The following RBFOX1 variants were observed in gnomAD, a reference collection of about 807,000 sequenced individuals.
RBFOX1 encodes RNA binding protein fox-1 homolog 1.
In RBFOX1, 8 loss-of-function variants were observed where a neutral mutation model predicts 57.7. That is an observed-to-expected ratio of 0.14 (90% CI 0.08 to 0.25). The LOEUF is 0.25. Among genes scored for constraint, RBFOX1 ranks in the 10% least tolerant of loss-of-function variants. The probability of loss-of-function intolerance (pLI) is 1.00; values close to 1 mark genes in which losing one functional copy is unlikely to be tolerated. For synonymous variants in RBFOX1, 326 were observed against 222.4 expected, an observed-to-expected ratio of 1.47 and a Z score of -4.15; for missense variants, 611 against 548.5, an observed-to-expected ratio of 1.11 and a Z score of -1.14.
intron 1 of RBFOX1, among the ~76,000 whole-genome samples, chr16:6,110,192 C>CTTT (rs1226858713): frequency 2.7e-5 from 2 of 74,652 alleles, no homozygotes; most frequent in African/African-American, 1.1e-4. Context: ...GTATTTTCTT[C>CTTT]TTCTTTTTTT....
intron 1 of RBFOX1, among the ~76,000 whole-genome samples, chr16:6,312,493 G>A (rs12149730): frequency 0.12 from 18,883 of 152,080 alleles, 1,433 homozygotes; most frequent in South Asian, 0.23. Context: ...GTGAGGTTTC[G>A]TCTGTTCTGA....
At chr16:6,850,643 C>T (rs1056019199) in intron 3 of RBFOX1, among the ~76,000 whole-genome samples, 4 of 152,116 alleles carry the variant, frequency 2.6e-5, no homozygotes, top group Non-Finnish European at 5.9e-5. Flanking sequence ...CATTCTTTTG[C>T]AATATTTCTA....
chr16:6,851,244 A>G (rs1413048467), intron 3 of RBFOX1, among the ~76,000 whole-genome samples: 2 of 152,204 alleles, frequency 1.3e-5, no homozygotes, highest in Non-Finnish European at 2.9e-5. Flanking sequence ...CTAGATATAG[A>G]GAATCAATGC....
intron 3 of RBFOX1, among the ~76,000 whole-genome samples, chr16:6,701,211 G>T (rs1363033729): frequency 6.6e-6 from 1 of 152,088 alleles, no homozygotes; most frequent in African/African-American, 2.4e-5. Context: ...CTCAGTCATT[G>T]GATGCAAGTT....
intron 4 of RBFOX1, among the ~76,000 whole-genome samples, chr16:7,106,405 C>T (rs974077896): frequency 7.9e-5 from 12 of 152,036 alleles, no homozygotes; most frequent in Admixed American, 5.9e-4. Flanking sequence ...GCTCTTTATT[C>T]TTCATTTTGT....
intron 4 of RBFOX1, among the ~76,000 whole-genome samples, chr16:7,327,451 T>C (rs745628176): frequency 2.6e-5 from 4 of 152,188 alleles, no homozygotes; most frequent in Non-Finnish European, 5.9e-5. Flanking sequence ...AAGTGAGTGA[T>C]TGTGTGAGTA....
intron 2 of RBFOX1, among the ~76,000 whole-genome samples, chr16:6,449,191 A>G (rs897050598): frequency 6.6e-6 from 1 of 152,228 alleles, no homozygotes; most frequent in Non-Finnish European, 1.5e-5. Context: ...CAAGTGCTGC[A>G]CATAGCATAA....
At chr16:6,583,556 T>G (rs968830405) in intron 2 of RBFOX1, among the ~76,000 whole-genome samples, 1 of 152,236 alleles carries the variant, frequency 6.6e-6, no homozygotes, top group Non-Finnish European at 1.5e-5. Flanking sequence ...TAATTGGGAT[T>G]GGGGAGAGCA....
chr16:6,948,556 A>G (rs991811100), intron 3 of RBFOX1, among the ~76,000 whole-genome samples: 2 of 150,904 alleles, frequency 1.3e-5, no homozygotes, highest in African/African-American at 2.4e-5. Context: ...CTAATTTTTG[A>G]TTTTTAGTAG....
intron 3 of RBFOX1, among the ~76,000 whole-genome samples, chr16:6,915,719 T>A (rs575524987): frequency 6.6e-6 from 1 of 151,942 alleles, no homozygotes; most frequent in South Asian, 2.1e-4. Flanking sequence ...CCTGACTAAA[T>A]TTTTCTACTT....
At chr16:6,006,687 C>G (rs891647074) in intron 4 of RBFOX1, among the ~76,000 whole-genome samples, 2 of 152,168 alleles carry the variant, frequency 1.3e-5, no homozygotes, top group African/African-American at 4.8e-5. Flanking sequence ...AGAGAGAGAC[C>G]TGACAAATGG....
chr16:7,497,192 C>T (rs922650552), intron 4 of RBFOX1, among the ~76,000 whole-genome samples: 2 of 152,180 alleles, frequency 1.3e-5, no homozygotes, highest in Non-Finnish European at 2.9e-5. Context: ...GTGTCATTTT[C>T]TGATTCTCTT....
chr16:5,375,194 T>G (rs540074598), intron 1 of RBFOX1, among the ~76,000 whole-genome samples: 1 of 152,142 alleles, frequency 6.6e-6, no homozygotes, highest in Admixed American at 6.5e-5. Flanking sequence ...CCTTTAGCAC[T>G]TTAATGGTCA....
At chr16:7,217,800 T>A (rs1313643008) in intron 4 of RBFOX1, among the ~76,000 whole-genome samples, 1 of 152,190 alleles carries the variant, frequency 6.6e-6, no homozygotes, top group Non-Finnish European at 1.5e-5. Context: ...TTTGAGATCC[T>A]AGGGAGTTCA....
chr16:6,590,525 C>T (rs774295003), intron 2 of RBFOX1, among the ~76,000 whole-genome samples: 1 of 152,136 alleles, frequency 6.6e-6, no homozygotes. Context: ...GGAGTAAATT[C>T]AATGAGAGCC....
chr16:6,517,451 C>A (rs954888765), intron 2 of RBFOX1, among the ~76,000 whole-genome samples: 1 of 152,260 alleles, frequency 6.6e-6, no homozygotes, highest in Admixed American at 6.5e-5. Context: ...GACAGAGAAA[C>A]AGAGAATTCC....
At chr16:6,047,739 GACTACTT>G (rs1409058916) in intron 1 of RBFOX1, among the ~76,000 whole-genome samples, 2 of 152,162 alleles carry the variant, frequency 1.3e-5, no homozygotes, top group Non-Finnish European at 1.5e-5. Flanking sequence ...TTCCTGTATT[GACTACTT>G]ACTACGTTCA....
chr16:5,826,576 C>A (rs1292595527), intron 3 of RBFOX1, among the ~76,000 whole-genome samples: 1 of 152,206 alleles, frequency 6.6e-6, no homozygotes, highest in African/African-American at 2.4e-5. Flanking sequence ...GTCAAGAAAA[C>A]TTTATTTACA....
intron 10 of RBFOX1, among the ~76,000 whole-genome samples, chr16:7,621,418 G>A (rs895815734): frequency 9.2e-5 from 14 of 151,896 alleles, no homozygotes; most frequent in African/African-American, 3.1e-4. Context: ...ATGCCACCAC[G>A]CCTGGCTAAT....
Sources: gnomAD v4.1 joint callset for allele counts (sites outside exome capture counted in the v4.1 genomes callset) on GRCh38, gnomAD v4.1.1 for gene constraint, MANE v1.5 for transcripts, NCBI Gene and HGNC (gene_info 2026-07-23, HGNC 2026-07-21) for gene names.